EEF1AKMT2: variants seen among roughly 807,000 people sequenced by gnomAD.
EEF1AKMT2 encodes the protein EEF1A lysine methyltransferase 2, also known as eukaryotic translation elongation factor 1 alpha lysine methyltransferase 2.
In EEF1AKMT2, 32 loss-of-function variants were observed where a neutral mutation model predicts 35.8. The observed-to-expected ratio is 0.89, with a 90% CI of 0.67 to 1.20. The LOEUF is 1.20. EEF1AKMT2 is among the 50% of genes most tolerant of loss of function. The pLI is 0.00. For missense variants in EEF1AKMT2, 330 were observed against 347.5 expected (o/e 0.95, Z 0.40); for synonymous variants, 121 against 133.7 (o/e 0.91, Z 0.65).
In EEF1AKMT2 at chr10:124,772,405, GCTT is replaced by G. The variant is rs1297841975; in HGVS notation, c.399+2267_399+2269del. On this transcript the variant is annotated intron_variant, in intron 4 of 6. Coordinates refer to ENST00000368836, the MANE Select transcript of EEF1AKMT2 (RefSeq NM_212554.4). ...CTTGCACTTTTATGTCATGGAGATG[GCTT>G]CTTTTCTTTTTCTTTTTTTTTTTTT... 1.4e-4 allele frequency among the ~76,000 whole-genome samples: 21 copies of G among 149,100 alleles called. 1 individual carries two copies. The East Asian group carries it at 3.3e-3, about 24-fold the overall frequency.
downstream of EEF1AKMT2, among the ~76,000 whole-genome samples, chr10:124,756,272 T>C (rs1325352876): frequency 1.3e-5 from 2 of 152,246 alleles, no homozygotes; most frequent in Admixed American, 1.3e-4. Flanking sequence ...GCTTTTTATT[T>C]CTTCTTCTAA....
Position 124,758,851 on chromosome 10 carries a change from A to C in EEF1AKMT2, c.*1652T>G, listed in dbSNP as rs1201089344. ...CAATCTTCTAAAAAATTTAAATTGCATATATTTTGAAGTAATTTCTCACTT... is the reference window on the plus strand; with the variant it reads ...CAATCTTCTAAAAAATTTAAATTGCCTATATTTTGAAGTAATTTCTCACTT... On this transcript the variant is annotated 3_prime_UTR_variant, in exon 7 of 7. Coordinates refer to ENST00000368836, the MANE Select transcript of EEF1AKMT2 (RefSeq NM_212554.4). 1 of 152,212 alleles carries C rather than the reference A, an allele frequency of 6.6e-6. No individual in the cohort carries two copies. The highest frequency in any genetic ancestry group is 1.9e-4 in the East Asian group (1 of 5,200). The allele number at this position is 152,212 out of a possible 1,614,324, so 9.4% of individuals were successfully genotyped here.
rs141448315 is a variant in EEF1AKMT2, at chr10:124,770,110, T to C, written c.400-4502A>G. Reference sequence around the variant, plus strand: ...CCACCCTGGTCAACATGATGAAATCTCGTCTCTACTAAAAAAATACAAAAA... The same window carrying C: ...CCACCCTGGTCAACATGATGAAATCCCGTCTCTACTAAAAAAATACAAAAA... On this transcript the variant is annotated intron_variant, in intron 4 of 6. Coordinates refer to ENST00000368836, the MANE Select transcript of EEF1AKMT2 (RefSeq NM_212554.4). Among the ~76,000 whole-genome samples the C allele has an allele frequency of 8.9e-3, 1,353 of 151,964 alleles. 14 individuals are homozygous for C. The highest frequency in any genetic ancestry group is 0.025 in the South Asian group (119 of 4,816).
chr10:124,757,756 T>C (rs569644197), downstream of EEF1AKMT2: 2 of 151,822 alleles, frequency 1.3e-5, no homozygotes, highest in East Asian at 1.9e-4. Context: ...GAAGATTGCA[T>C]GCGTACCACA....
In EEF1AKMT2 at chr10:124,784,862, C is replaced by G. The variant is rs1950571033; in HGVS notation, c.291+4181G>C. Among the ~76,000 whole-genome samples, 3 of 149,416 alleles carry G rather than the reference C, an allele frequency of 2.0e-5. No individual in the cohort carries two copies. In the South Asian group the frequency reaches 6.3e-4, roughly 32 times the overall value. On this transcript the variant is annotated intron_variant, in intron 3 of 6. Coordinates refer to ENST00000368836, the MANE Select transcript of EEF1AKMT2 (RefSeq NM_212554.4). ...AGGAGAATTCTTTGAACCCCAAAGGCAGAGGTTGAAGTGAACCAAGATCAC... is the reference window on the plus strand; with the variant it reads ...AGGAGAATTCTTTGAACCCCAAAGGGAGAGGTTGAAGTGAACCAAGATCAC...
intron 3 of EEF1AKMT2, among the ~76,000 whole-genome samples, chr10:124,776,516 G>A (rs980588363): frequency 5.9e-5 from 9 of 152,128 alleles, no homozygotes; most frequent in Admixed American, 2.6e-4. Context: ...GGCCAGACAC[G>A]GTGGCTCACG....
rs1381789754 is a variant in EEF1AKMT2 at position 124,791,712 on chromosome 10, C to G, written c.110+12G>C. On this transcript the variant is annotated intron_variant, in intron 1 of 6. Coordinates refer to ENST00000368836, the MANE Select transcript of EEF1AKMT2 (RefSeq NM_212554.4). ...GCACGGCTCATCCTCCCCTGCCCAGCGTCACACTCACTGCTCGCGGGTCCC... is the reference window on the plus strand; with the variant it reads ...GCACGGCTCATCCTCCCCTGCCCAGGGTCACACTCACTGCTCGCGGGTCCC... 1.3e-6 allele frequency: 2 copies of G among 1,574,050 alleles called. No homozygotes were observed. Among genetic ancestry groups the G allele is most frequent in the Non-Finnish European group, 1.7e-6 (2 of 1,164,788 alleles).
In EEF1AKMT2 at chr10:124,772,002, C is replaced by G. The variant is rs28842337; in HGVS notation, c.399+2673G>C. Among the ~76,000 whole-genome samples, 649 of 152,248 alleles carry G rather than the reference C, an allele frequency of 4.3e-3. 4 individuals are homozygous for G. Among genetic ancestry groups the G allele is most frequent in the African/African-American group, 0.015 (608 of 41,546 alleles). On this transcript the variant is annotated intron_variant, in intron 4 of 6. Transcript: ENST00000368836. Reference sequence around the variant, plus strand: ...AGGTCTCAAAAATGGGCTTAAAATACTCAGTAAACCATACTGTAAACAGAT... The same window carrying G: ...AGGTCTCAAAAATGGGCTTAAAATAGTCAGTAAACCATACTGTAAACAGAT...
At chr10:124,786,726 C>CTTGAACCCAG (rs1014599987) in intron 3 of EEF1AKMT2, among the ~76,000 whole-genome samples, 4 of 151,758 alleles carry the variant, frequency 2.6e-5, no homozygotes, top group African/African-American at 9.7e-5. Context: ...AGGAAAATCG[C>CTTGAACCCAG]TTGAACCCAG....
At chr10:124,764,317 AAAC>A in intron 5 of EEF1AKMT2, among the ~76,000 whole-genome samples, 1 of 152,008 alleles carries the variant, frequency 6.6e-6, no homozygotes, top group Non-Finnish European at 1.5e-5. Flanking sequence ...AAAAAAAAAA[AAAC>A]AAACTAATCT....
chr10:124,791,399 C>G (rs924995745), intron 1 of EEF1AKMT2, among the ~76,000 whole-genome samples: 1 of 152,066 alleles, frequency 6.6e-6, no homozygotes, highest in African/African-American at 2.4e-5. Flanking sequence ...CAGCCCTATT[C>G]GCCAGCCTCG....
At chr10:124,791,686 G>T (rs748706491) in intron 1 of EEF1AKMT2, 38 bp downstream of exon 1, 173 of 1,548,768 alleles carry the variant, frequency 1.1e-4, no homozygotes, top group Non-Finnish European at 1.5e-4. Context: ...CAGGCAGGGC[G>T]GCACGGCTCA....
At chr10:124,756,470 T>C (rs1950287858), downstream of EEF1AKMT2, among the ~76,000 whole-genome samples, 1 of 152,230 alleles carries the variant, frequency 6.6e-6, no homozygotes. Context: ...TATTCCTATC[T>C]TTTTAAGTTT....
intron 5 of EEF1AKMT2, 89 bp downstream of exon 5, chr10:124,765,303 A>C (rs1950369022): frequency 1.8e-6 from 2 of 1,104,490 alleles, no homozygotes; most frequent in Admixed American, 2.1e-5. Context: ...TAGAAAAGTA[A>C]AACACTATAA....
chr10:124,756,562 T>G (rs1003035279), downstream of EEF1AKMT2, among the ~76,000 whole-genome samples: 3 of 152,234 alleles, frequency 2.0e-5, no homozygotes, highest in African/African-American at 7.2e-5. Context: ...TACACTGTGT[T>G]GCAAAAGATT....
At chr10:124,788,814 T>G (rs993882743) in intron 3 of EEF1AKMT2, among the ~76,000 whole-genome samples, 1 of 148,154 alleles carries the variant, frequency 6.7e-6, no homozygotes, top group African/African-American at 2.5e-5. Context: ...CTAGAAAAAT[T>G]AAGTGGCTTA....
intron 4 of EEF1AKMT2, among the ~76,000 whole-genome samples, chr10:124,766,956 T>G (rs1424880473): frequency 6.6e-6 from 1 of 150,766 alleles, no homozygotes; most frequent in Admixed American, 6.6e-5. Context: ...GGTCAGGAGA[T>G]CAAGACCATC....
chr10:124,765,657 T>C, intron 4 of EEF1AKMT2, 49 bp from the exon 5 acceptor site: 1 of 1,431,854 alleles, frequency 7.0e-7, no homozygotes. Flanking sequence ...ACAAAATCCT[T>C]ACAGAATGTA....
At position 124,771,314 on chromosome 10, in the gene EEF1AKMT2, T is replaced by A. The variant is rs182400308; in HGVS notation, c.399+3361A>T. Among the ~76,000 whole-genome samples, 13 of 151,878 alleles carry A rather than the reference T, an allele frequency of 8.6e-5. No homozygotes were observed. The East Asian group carries it at 2.4e-3, about 28-fold the overall frequency. On this transcript the variant is annotated intron_variant, in intron 4 of 6. Transcript: ENST00000368836. ...TGGGGTTTCACCATGTTAGCCAGGA[T>A]GGTCTTGATCTCCTGACCTTGTGAT...
Sources: allele counts gnomAD v4.1 joint callset (sites outside exome capture counted in the v4.1 genomes callset), GRCh38; gene constraint gnomAD v4.1.1; transcripts MANE v1.5; gene names NCBI Gene and HGNC (gene_info 2026-07-23, HGNC 2026-07-21).